Variants in BCLAF3 observed in about 807,000 individuals in gnomAD.
BCLAF3 encodes the protein BCLAF1 and THRAP3 family member 3.
A neutral mutation model predicts 51.2 loss-of-function variants in BCLAF3; 24 were observed. The ratio of observed to expected loss-of-function variants is 0.47; its 90% CI spans 0.34 to 0.66. BCLAF3 has a LOEUF of 0.66. Among genes scored for constraint, BCLAF3 ranks in the 30% least tolerant of loss-of-function variants. BCLAF3 has a pLI of 0.01. For synonymous variants in BCLAF3, 152 were observed against 176.6 expected (o/e 0.86, Z 1.10); for missense variants, 465 against 525.1 (o/e 0.89, Z 1.12).
intron 2 of BCLAF3, among the ~76,000 whole-genome samples, chrX:19,967,766 A>G (rs757806156): frequency 4.0e-4 from 45 of 112,148 alleles, no homozygotes; most frequent in Non-Finnish European, 5.6e-5. Flanking sequence ...TGGCGCAACC[A>G]TGAGTGAAAC....
intron 4 of BCLAF3, among the ~76,000 whole-genome samples, chrX:19,960,119 C>T (rs1286731723): frequency 3.9e-5 from 4 of 102,587 alleles, no homozygotes; most frequent in Non-Finnish European, 7.5e-5. Context: ...TTAATTGAGG[C>T]CAATTTAATT....
chrX:19,974,262 G>A (rs984705283), intron 1 of BCLAF3, among the ~76,000 whole-genome samples: 1 of 112,514 alleles, frequency 8.9e-6, no homozygotes, highest in Non-Finnish European at 1.9e-5. Flanking sequence ...CAATAAAGTC[G>A]AACATGCCCA....
intron 11 of BCLAF3, among the ~76,000 whole-genome samples, chrX:19,924,534 T>C (rs1323682675): frequency 1.8e-5 from 2 of 111,225 alleles, no homozygotes; most frequent in Admixed American, 1.9e-4. Flanking sequence ...TCCTGTTCTA[T>C]TTTCGTACTC....
chrX:19,931,082 T>C (rs200918213), intron 10 of BCLAF3, among the ~76,000 whole-genome samples: 1 of 112,400 alleles, frequency 8.9e-6, no homozygotes, highest in African/African-American at 3.2e-5. Flanking sequence ...AAAAGATCCA[T>C]TACTTAAAAA....
intron 11 of BCLAF3, among the ~76,000 whole-genome samples, chrX:19,927,087 C>A (rs188278151): frequency 9.1e-6 from 1 of 110,455 alleles, no homozygotes; most frequent in African/African-American, 3.3e-5. Context: ...ATTAGCTGGG[C>A]GTGGTGGCAG....
In BCLAF3 at chrX:19,966,340, T is replaced by C. The variant is rs375662913; in HGVS notation, c.351A>G (p.Ser117=). ...CATGCTCTTTGTAGGGTATACCCTC[T>C]GAGTATTTGGGCATATACTGAGCTC... The part of the protein sequence containing the change: ...NRRAQYMPKY[S]EGIPYKEHER... The change falls in exon 3 of 12, where the codon TCA becomes TCG. Residue 117 remains serine (S), a synonymous_variant. Coordinates refer to ENST00000379682, the MANE Select transcript of BCLAF3 (RefSeq NM_001367774.2). 269 of 1,209,961 alleles carry C rather than the reference T, an allele frequency of 2.2e-4. No individual in the cohort carries two copies. The highest frequency in any genetic ancestry group is 2.9e-4 in the Non-Finnish European group (263 of 895,233).
At chrX:19,923,426 T>C (rs2070243499) in intron 11 of BCLAF3, 1 of 169,908 alleles carries the variant, frequency 5.9e-6, no homozygotes, top group Non-Finnish European at 1.2e-5. Context: ...AAACAAGTGG[T>C]TGGGGGAGGA....
intron 10 of BCLAF3, chrX:19,930,152 A>C (rs1477091682): frequency 2.2e-5 from 6 of 271,242 alleles, no homozygotes; most frequent in Non-Finnish European, 3.9e-5. Context: ...CTCTACTAAA[A>C]ATACAAAAAT....
intron 1 of BCLAF3, among the ~76,000 whole-genome samples, chrX:19,976,666 C>T (rs2072435392): frequency 8.9e-6 from 1 of 112,093 alleles, no homozygotes; most frequent in Non-Finnish European, 1.9e-5. Context: ...GCTGAGATTA[C>T]AGGCAAGAGC....
intron 1 of BCLAF3, among the ~76,000 whole-genome samples, chrX:19,975,000 T>TA (rs1401640242): frequency 8.9e-6 from 1 of 112,439 alleles, no homozygotes; most frequent in Non-Finnish European, 1.9e-5. Context: ...GAAAATATTC[T>TA]AAAATTAGAT....
chrX:19,981,635 T>C (rs2072614770), intron 1 of BCLAF3, among the ~76,000 whole-genome samples: 1 of 111,965 alleles, frequency 8.9e-6, no homozygotes, highest in Non-Finnish European at 1.9e-5. Flanking sequence ...TATACAAATA[T>C]CCATAGGAGC....
intron 1 of BCLAF3, among the ~76,000 whole-genome samples, chrX:19,990,662 G>T (rs1163766000): frequency 8.8e-6 from 1 of 113,237 alleles, no homozygotes; most frequent in Non-Finnish European, 1.9e-5. Flanking sequence ...CGTGCCTGTC[G>T]AGGGACCTCA....
chrX:19,972,274 T>A (rs1460230311), intron 1 of BCLAF3, among the ~76,000 whole-genome samples: 1 of 112,059 alleles, frequency 8.9e-6, no homozygotes, highest in Admixed American at 9.5e-5. Context: ...CAGACAAAAC[T>A]TCCTGCTCTG....
intron 6 of BCLAF3, among the ~76,000 whole-genome samples, chrX:19,953,339 A>T (rs767512240): frequency 9.0e-6 from 1 of 111,702 alleles, no homozygotes; most frequent in East Asian, 2.8e-4. Flanking sequence ...TCAGCTCACA[A>T]GACAGGGTAC....
At chrX:19,982,486 G>A (rs763065848) in intron 1 of BCLAF3, among the ~76,000 whole-genome samples, 3 of 109,152 alleles carry the variant, frequency 2.7e-5, no homozygotes, top group Non-Finnish European at 5.7e-5. Flanking sequence ...GGAGGAGCAC[G>A]AAGTAGATAC....
At chrX:19,978,694 T>TG (rs766714029) in intron 1 of BCLAF3, among the ~76,000 whole-genome samples, 1 of 112,019 alleles carries the variant, frequency 8.9e-6, no homozygotes, top group South Asian at 3.7e-4. Flanking sequence ...TTAATTTTGA[T>TG]GGAAGTGCTA....
At chrX:19,985,693 G>A (rs1411606097) in intron 1 of BCLAF3, among the ~76,000 whole-genome samples, 14 of 112,130 alleles carry the variant, frequency 1.2e-4, no homozygotes, top group Admixed American at 3.8e-4. Context: ...CTGTAATTCC[G>A]GCACTTTGGG....
rs777093535 is a variant in BCLAF3, at chrX:19,946,263, C to G, written c.1745+4490G>C. 6.2e-5 allele frequency among the ~76,000 whole-genome samples: 7 copies of G among 112,454 alleles called. No homozygotes were observed. In the East Asian group the frequency reaches 1.1e-3, roughly 18 times the overall value. On this transcript the variant is annotated intron_variant, in intron 8 of 11. Transcript: ENST00000379682. ...GTCGCTCACGCTGGGAGCTGTAGACCGGGGCTGTTCCCATTCGGCCATCTT... is the reference window on the plus strand; with the variant it reads ...GTCGCTCACGCTGGGAGCTGTAGACGGGGGCTGTTCCCATTCGGCCATCTT...
intron 11 of BCLAF3, among the ~76,000 whole-genome samples, chrX:19,919,840 G>T (rs975866513): frequency 2.2e-5 from 2 of 90,706 alleles, no homozygotes; most frequent in East Asian, 7.2e-4. Context: ...CTGGATGACA[G>T]AGTGAGACTT....
Sources: allele counts gnomAD v4.1 joint callset (sites outside exome capture counted in the v4.1 genomes callset), GRCh38; gene constraint gnomAD v4.1.1; transcripts MANE v1.5; gene names NCBI Gene and HGNC (gene_info 2026-07-23, HGNC 2026-07-21).